Variants in NHLH2 observed in about 807,000 individuals in gnomAD.
NHLH2 encodes nescient helix-loop-helix 2.
A neutral mutation model predicts 7.3 loss-of-function variants in NHLH2; 7 were observed. The ratio of observed to expected loss-of-function variants is 0.96; its 90% CI spans 0.55 to 1.81. The LOEUF is 1.81. NHLH2 is among the 40% of genes most tolerant of loss of function. The pLI, the probability that NHLH2 is intolerant of heterozygous loss-of-function variation, is 0.00. For missense variants in NHLH2, 155 were observed against 194.0 expected, an observed-to-expected ratio of 0.80 and a Z score of 1.19; for synonymous variants, 93 against 91.6, an observed-to-expected ratio of 1.01 and a Z score of -0.09.
At chr1:115,832,754 G>A (rs142745841), downstream of NHLH2, among the ~76,000 whole-genome samples, 1 of 152,360 alleles carries the variant, frequency 6.6e-6, no homozygotes, top group African/African-American at 2.4e-5. Context: ...TCAGAGAACA[G>A]AGCAGCTAAT....
At chr1:115,832,586 T>A (rs1246884166), downstream of NHLH2, among the ~76,000 whole-genome samples, 1 of 152,192 alleles carries the variant, frequency 6.6e-6, no homozygotes, top group Non-Finnish European at 1.5e-5. Context: ...ATCTTATGGA[T>A]GAAAATGGAG....
chr1:115,831,933 A>G (rs1650762386), downstream of NHLH2, among the ~76,000 whole-genome samples: 1 of 151,698 alleles, frequency 6.6e-6, no homozygotes, highest in African/African-American at 2.4e-5. Context: ...TCAAAAAAAA[A>G]AAAAAAAATT....
Position 115,837,830 on chromosome 1 carries a change from T to G in NHLH2, c.*135A>C. On this transcript the variant is annotated 3_prime_UTR_variant, in exon 3 of 3. Transcript: ENST00000320238. ...GACCAGAGAGAACAGGTAGCGAGCT[T>G]CTTCCCCGGCCGTCTCTCGAGGCGG... The G allele has an allele frequency of 1.1e-6, 1 of 950,902 alleles. No homozygotes were observed. Among genetic ancestry groups the G allele is most frequent in the Non-Finnish European group, 1.5e-6 (1 of 665,216 alleles). The allele number at this position is 950,902 out of a possible 1,614,324, so 58.9% of individuals were successfully genotyped here.
At chr1:115,832,809 CGT>C (rs1191031481), downstream of NHLH2, among the ~76,000 whole-genome samples, 6 of 152,028 alleles carry the variant, frequency 3.9e-5, no homozygotes. Flanking sequence ...CGTGTGGTTA[CGT>C]GTGGTCTGAG....
chr1:115,838,500 A>C, intron 2 of NHLH2, 120 bp from the exon 3 acceptor site: 8 of 1,146,272 alleles, frequency 7.0e-6, no homozygotes, highest in South Asian at 1.4e-5. Context: ...CCCCCTCCCC[A>C]CAGCAGGCCG....
chr1:115,840,043 T>G (rs1325070892), intron 2 of NHLH2, 173 bp downstream of exon 2: 1 of 166,980 alleles, frequency 6.0e-6, no homozygotes, highest in African/African-American at 2.4e-5. Flanking sequence ...TGGTAAAAAG[T>G]TCCTGGGTTG....
Position 115,836,663 on chromosome 1 carries a change from G to A in NHLH2, c.*1302C>T, listed in dbSNP as rs1650878734. 1 of 152,248 alleles carries A rather than the reference G, an allele frequency of 6.6e-6. No individual in the cohort carries two copies. The highest frequency in any genetic ancestry group is 2.4e-5 in the African/African-American group (1 of 41,370). The allele number at this position is 152,248 out of a possible 1,614,324, so 9.4% of individuals were successfully genotyped here. A position where few individuals can be genotyped will look rare whatever the true frequency, so the allele number is the denominator to read the frequency against. On this transcript the variant is annotated 3_prime_UTR_variant, in exon 3 of 3. Coordinates refer to ENST00000320238, the MANE Select transcript of NHLH2 (RefSeq NM_005599.3). ...CTTTTTGGTGTCACAGAGGAAAGTA[G>A]TTCTGAATTCTTTTTTTCTTTTTTT... is the stretch of plus-strand genomic sequence containing the variant.
In NHLH2 at chr1:115,836,841, G is replaced by C. The variant is rs907729995; in HGVS notation, c.*1124C>G. ...CTTTTTAAAAAACTATAATAGTGAA[G>C]TGCTAGTGTTGCTGATCTCACAACA... On this transcript the variant is annotated 3_prime_UTR_variant, in exon 3 of 3. Transcript: ENST00000320238. 1 of 152,172 alleles carries C rather than the reference G, an allele frequency of 6.6e-6. No homozygotes were observed. The highest frequency in any genetic ancestry group is 2.4e-5 in the African/African-American group (1 of 41,448). 9.4% of individuals were successfully genotyped at this position (152,172 alleles called of 1,614,324 possible). A position where few individuals can be genotyped will look rare whatever the true frequency, so the allele number is the denominator to read the frequency against.
chr1:115,837,765 C>T lies in NHLH2; in HGVS notation c.*200G>A. Reference sequence around the variant, plus strand: ...GAGCCCCCGGGCTCGCCAGACAACCCCACCTGCCTGCGTCGGAAACCTTCC... The same window carrying T: ...GAGCCCCCGGGCTCGCCAGACAACCTCACCTGCCTGCGTCGGAAACCTTCC... On this transcript the variant is annotated 3_prime_UTR_variant, in exon 3 of 3. Coordinates refer to ENST00000320238, the MANE Select transcript of NHLH2 (RefSeq NM_005599.3). 1 of 599,352 alleles carries T rather than the reference C, an allele frequency of 1.7e-6. No homozygotes were observed. The highest frequency in any genetic ancestry group is 2.7e-6 in the Non-Finnish European group (1 of 364,186). The allele number at this position is 599,352 out of a possible 1,614,324, so 37.1% of individuals were successfully genotyped here. A position where few individuals can be genotyped will look rare whatever the true frequency, so the allele number is the denominator to read the frequency against.
chr1:115,834,121 A>ACCATC (rs1557828207), downstream of NHLH2, among the ~76,000 whole-genome samples: 1 of 151,940 alleles, frequency 6.6e-6, no homozygotes, highest in South Asian at 2.1e-4. Context: ...CCCTTCCTTT[A>ACCATC]CCATCCCATC....
downstream of NHLH2, among the ~76,000 whole-genome samples, chr1:115,831,869 C>G (rs1019092100): frequency 6.6e-6 from 1 of 151,372 alleles, no homozygotes; most frequent in Non-Finnish European, 1.5e-5. Context: ...TTGCAGTGAG[C>G]CAAGATTGCG....
chr1:115,833,482 G>C (rs115284459), downstream of NHLH2, among the ~76,000 whole-genome samples: 15 of 152,262 alleles, frequency 9.9e-5, no homozygotes, highest in South Asian at 2.1e-4. Flanking sequence ...AGGCACCAAG[G>C]GGGGTGGTGT....
chr1:115,834,072 T>A (rs373619959), downstream of NHLH2, among the ~76,000 whole-genome samples: 2 of 152,186 alleles, frequency 1.3e-5, no homozygotes, highest in East Asian at 1.9e-4. Flanking sequence ...TCCCACCCAG[T>A]CTCATTTCCT....
Position 115,838,557 on chromosome 1 carries a change from A to AGCCCTGCGCCTC in NHLH2, c.-8-189_-8-178dup, listed in dbSNP as rs1353318941. 22 of 591,846 alleles carry AGCCCTGCGCCTC rather than the reference A, an allele frequency of 3.7e-5. No individual in the cohort carries two copies. The African/African-American group carries it at 3.8e-4, about 10-fold the overall frequency. 36.7% of individuals were successfully genotyped at this position (591,846 alleles called of 1,614,324 possible). A position where few individuals can be genotyped will look rare whatever the true frequency, so the allele number is the denominator to read the frequency against. ...CGATAGGATCTGGCCCGAGGGCGCG[A>AGCCCTGCGCCTC]GCCCTGCGCCTCGCCCTGGCGCGGG... On this transcript the variant is annotated intron_variant, in intron 2 of 2. Coordinates refer to ENST00000320238, the MANE Select transcript of NHLH2 (RefSeq NM_005599.3).
chr1:115,840,099 A>T (rs913323515), intron 2 of NHLH2, 117 bp downstream of exon 2: 1 of 167,010 alleles, frequency 6.0e-6, no homozygotes, highest in Non-Finnish European at 1.5e-5. Flanking sequence ...AAAAATATTC[A>T]TAAATAGTAT....
downstream of NHLH2, among the ~76,000 whole-genome samples, chr1:115,833,579 G>T (rs867008059): frequency 1.3e-4 from 20 of 152,152 alleles, no homozygotes; most frequent in Admixed American, 2.0e-4. Context: ...GATAAACATG[G>T]CTTCATGGCC....
At chr1:115,833,629 C>T (rs1650801410), downstream of NHLH2, among the ~76,000 whole-genome samples, 1 of 152,196 alleles carries the variant, frequency 6.6e-6, no homozygotes, top group Non-Finnish European at 1.5e-5. Flanking sequence ...TCAAATTCCT[C>T]ATCTGTTAAA....
downstream of NHLH2, among the ~76,000 whole-genome samples, chr1:115,836,155 T>C (rs1395639386): frequency 6.6e-6 from 1 of 152,222 alleles, no homozygotes; most frequent in East Asian, 1.9e-4. Context: ...TTTTCCTCAT[T>C]GTAGAATGAT....
rs1650923565 is a variant in NHLH2 at position 115,837,907 on chromosome 1, C to T, written c.*58G>A. ...CGCCACCCGAGCGACGGCGCCCGTC[C>T]GGATCCGTAGCGTTTCGCGGACGCC... On this transcript the variant is annotated 3_prime_UTR_variant, in exon 3 of 3. Transcript: ENST00000320238. 6.5e-7 allele frequency: 1 copy of T among 1,545,088 alleles called. No individual in the cohort carries two copies. Among genetic ancestry groups the T allele is most frequent in the South Asian group, 1.2e-5 (1 of 84,336 alleles).
Sources: allele counts gnomAD v4.1 joint callset (sites outside exome capture counted in the v4.1 genomes callset), GRCh38; gene constraint gnomAD v4.1.1; transcripts MANE v1.5; gene names NCBI Gene and HGNC (gene_info 2026-07-23, HGNC 2026-07-21).